PICALM: variants seen among roughly 807,000 people sequenced by gnomAD.
PICALM encodes phosphatidylinositol-binding clathrin assembly protein.
PICALM carries 40 observed loss-of-function variants against 80.5 expected under a neutral mutation model. The ratio of observed to expected loss-of-function variants is 0.50; its 90% CI spans 0.39 to 0.65. The LOEUF is 0.65. Ranked by LOEUF, PICALM falls within the 30% of genes least tolerant of loss-of-function variation. The pLI is 0.00. For synonymous variants in PICALM, 288 were observed against 260.3 expected (o/e 1.11, Z -1.02); for missense variants, 676 against 778.9 (o/e 0.87, Z 1.57).
chr11:86,054,256 G>A (rs493254), intron 1 of PICALM, among the ~76,000 whole-genome samples: 109,543 of 152,118 alleles, frequency 0.72, 40,032 homozygotes, highest in African/African-American at 0.87. Flanking sequence ...CTTCTTTCCT[G>A]TCTTTCTCAA....
At chr11:86,039,882 TAGTCCCAGCTACTCAGGAGGCTGA>T (rs1388458073) in intron 1 of PICALM, among the ~76,000 whole-genome samples, 2 of 151,578 alleles carry the variant, frequency 1.3e-5, no homozygotes, top group Non-Finnish European at 2.9e-5. Context: ...CGGGAGCCTG[TAGTCCCAGCTACTCAGGAGGCTGA>T]AGCAGGAGAA....
chr11:86,013,801 A>G (rs111473516), intron 5 of PICALM, among the ~76,000 whole-genome samples: 1 of 152,170 alleles, frequency 6.6e-6, no homozygotes, highest in African/African-American at 2.4e-5. Context: ...AAAGGGTCAG[A>G]TGGTAAATAT....
At position 85,959,043 on chromosome 11, in the gene PICALM, A is replaced by G. The variant is rs1280118718; in HGVS notation, c.*3T>C. 3 of 1,591,566 alleles carry G rather than the reference A, an allele frequency of 1.9e-6. No homozygotes were observed. Among genetic ancestry groups the G allele is most frequent in the Non-Finnish European group, 1.7e-6 (2 of 1,164,364 alleles). The stretch of plus-strand genomic sequence containing the variant: ...TGGAGTAATTCCATTTTCTTCCATC[A>G]AGTTACATAAACTGTATCTGGAAAA... On this transcript the variant is annotated 3_prime_UTR_variant, in exon 20 of 20. Transcript: ENST00000393346.
At chr11:86,041,909 T>A (rs2095976779) in intron 1 of PICALM, among the ~76,000 whole-genome samples, 1 of 152,240 alleles carries the variant, frequency 6.6e-6, no homozygotes, top group Admixed American at 6.5e-5. Context: ...CTTGGAATAC[T>A]CTGACTTCAC....
At chr11:86,015,103 G>A in intron 4 of PICALM, 140 bp from the exon 5 acceptor site, 1 of 589,708 alleles carries the variant, frequency 1.7e-6, no homozygotes, top group Non-Finnish European at 2.9e-6. Context: ...TATGGAACAT[G>A]AAAACTGAAG....
Position 85,976,641 on chromosome 11 carries a change from G to A in PICALM, c.1821C>T (p.Gly607=). ...VMAYPATTPT[G]MIGYGIPPQM... ...TACTTACAATTCCATATCCTATCAT[G>A]CCTGTTGGTGTAGTAGCAGGATAGG... Residue 607 remains glycine, a synonymous_variant, in exon 18 of 20, where the codon GGC becomes GGT. Transcript: ENST00000393346. 6.2e-7 allele frequency: 1 copy of A among 1,600,266 alleles called. No individual in the cohort carries two copies. Among genetic ancestry groups the A allele is most frequent in the Non-Finnish European group, 8.6e-7 (1 of 1,167,550 alleles).
chr11:86,045,717 A>G (rs2096062317), intron 1 of PICALM, among the ~76,000 whole-genome samples: 1 of 152,130 alleles, frequency 6.6e-6, no homozygotes. Context: ...ATGAATGGAT[A>G]TATGAAGAGT....
At chr11:86,068,183 A>G (rs1177715856) in intron 1 of PICALM, among the ~76,000 whole-genome samples, 1 of 152,198 alleles carries the variant, frequency 6.6e-6, no homozygotes, top group Non-Finnish European at 1.5e-5. Flanking sequence ...CGGAGGGATA[A>G]CAAGGATCTG....
chr11:86,025,757 C>T (rs763657996), intron 3 of PICALM, among the ~76,000 whole-genome samples: 3 of 151,978 alleles, frequency 2.0e-5, no homozygotes, highest in Non-Finnish European at 4.4e-5. Context: ...CGGGGTTTCA[C>T]CATGTTGGCC....
At chr11:86,017,182 C>G (rs1234081392) in intron 4 of PICALM, among the ~76,000 whole-genome samples, 1 of 151,068 alleles carries the variant, frequency 6.6e-6, no homozygotes, top group Non-Finnish European at 1.5e-5. Flanking sequence ...GAGATCACGC[C>G]ACTGCACTCC....
At chr11:85,966,729 A>C (rs1427216308) in intron 19 of PICALM, among the ~76,000 whole-genome samples, 1 of 152,088 alleles carries the variant, frequency 6.6e-6, no homozygotes, top group Non-Finnish European at 1.5e-5. Flanking sequence ...CTTTGGAGTG[A>C]CCCTAATTTG....
Position 85,974,777 on chromosome 11 carries a change from T to C in PICALM, c.1875A>G (p.Gln625=), listed in dbSNP as rs200565799. The C allele has an allele frequency of 2.2e-4, 349 of 1,613,800 alleles. 3 individuals carry two copies. Among genetic ancestry groups the C allele is most frequent in the Admixed American group, 1.2e-4 (7 of 59,998 alleles). Reference sequence around the variant, plus strand: ...CAGGCTGGCTGTATATTAAGGTTGGTTGCGTCATTACAGGAACACTTCCCA... The same window carrying C: ...CAGGCTGGCTGTATATTAAGGTTGGCTGCGTCATTACAGGAACACTTCCCA... The part of the protein sequence containing the change: ...PQMGSVPVMT[Q]PTLIYSQPVM... The change falls in exon 19 of 20, where the codon CAA becomes CAG. Residue 625 remains glutamine, a synonymous_variant. Transcript: ENST00000393346.
At chr11:86,045,371 A>G (rs2096054128) in intron 1 of PICALM, among the ~76,000 whole-genome samples, 1 of 151,964 alleles carries the variant, frequency 6.6e-6, no homozygotes, top group South Asian at 2.1e-4. Flanking sequence ...GTACAGTGGT[A>G]TGCACCTGTA....
At chr11:86,007,949 T>C (rs2095312266) in intron 7 of PICALM, among the ~76,000 whole-genome samples, 1 of 151,598 alleles carries the variant, frequency 6.6e-6, no homozygotes, top group African/African-American at 2.4e-5. Context: ...AACAAGCTCT[T>C]TGATGCAAAA....
chr11:85,992,889 C>T (rs2094833734), intron 12 of PICALM, among the ~76,000 whole-genome samples: 1 of 152,100 alleles, frequency 6.6e-6, no homozygotes, highest in African/African-American at 2.4e-5. Context: ...TTTGCAAATG[C>T]ATTCATAATT....
chr11:86,010,865 T>C (rs2095382510), intron 7 of PICALM, among the ~76,000 whole-genome samples, 165 bp downstream of exon 7: 1 of 152,264 alleles, frequency 6.6e-6, no homozygotes, highest in Non-Finnish European at 1.5e-5. Context: ...TTTTATTCAC[T>C]ACTTTATCAT....
rs188634636 is a variant in PICALM at position 86,026,988 on chromosome 11, T to G, written c.274-621A>C. On this transcript the variant is annotated intron_variant, in intron 2 of 19. Transcript: ENST00000393346. ...CAAGTATCTATAAACTATCCAAGTG[T>G]TTTCTATTTGAAATTTACACAAGTA... Among the ~76,000 whole-genome samples the G allele has an allele frequency of 3.6e-3, 541 of 152,336 alleles. 1 individual carries two copies. Among genetic ancestry groups the G allele is most frequent in the Non-Finnish European group, 6.2e-3 (420 of 68,026 alleles).
chr11:86,044,927 C>T (rs2096045230), intron 1 of PICALM, among the ~76,000 whole-genome samples: 1 of 152,192 alleles, frequency 6.6e-6, no homozygotes, highest in Non-Finnish European at 1.5e-5. Flanking sequence ...AAACTGTCTT[C>T]CATGAAACCA....
intron 1 of PICALM, among the ~76,000 whole-genome samples, chr11:86,067,906 T>A (rs901985038): frequency 6.7e-6 from 1 of 149,596 alleles, no homozygotes; most frequent in African/African-American, 2.5e-5. Flanking sequence ...CAGAGGCAAA[T>A]AAAAATCCCA....
Sources: gnomAD v4.1 joint callset for allele counts (sites outside exome capture counted in the v4.1 genomes callset) on GRCh38, gnomAD v4.1.1 for gene constraint, MANE v1.5 for transcripts, NCBI Gene and HGNC (gene_info 2026-07-23, HGNC 2026-07-21) for gene names.